The following P4HA3 variants were observed in gnomAD, a reference collection of about 807,000 sequenced individuals.
P4HA3 encodes prolyl 4-hydroxylase subunit alpha-3.
A neutral mutation model predicts 66.7 loss-of-function variants in P4HA3; 60 were observed. The ratio of observed to expected loss-of-function variants is 0.90; its 90% CI spans 0.73 to 1.12. P4HA3 has a LOEUF of 1.12. Among genes scored for constraint, P4HA3 ranks in the 50% most tolerant of loss-of-function variants. The pLI is 0.00. For missense variants in P4HA3, 683 were observed against 685.8 expected (o/e 1.00, Z 0.05); for synonymous variants, 263 against 274.6 (o/e 0.96, Z 0.42).
intron 9 of P4HA3, among the ~76,000 whole-genome samples, chr11:74,274,572 C>CA (rs1308838687): frequency 6.6e-6 from 1 of 152,066 alleles, no homozygotes; most frequent in Non-Finnish European, 1.5e-5. Context: ...CTTGGCCTCC[C>CA]AAAGTGCTGG....
At chr11:74,251,448 A>G (rs896037894) in intron 15 of P4HA3, 4 of 1,421,584 alleles carry the variant, frequency 2.8e-6, no homozygotes, top group Non-Finnish European at 3.7e-6. Flanking sequence ...AGCTCTATGG[A>G]GCTATCCCTG....
intron 4 of P4HA3, among the ~76,000 whole-genome samples, chr11:74,297,679 C>T (rs1336418453): frequency 6.6e-6 from 1 of 152,202 alleles, no homozygotes; most frequent in African/African-American, 2.4e-5. Context: ...GGAGGAGGCA[C>T]TGTGGCTGGT....
Position 74,311,402 on chromosome 11 carries a change from G to A in P4HA3, c.200+10C>T, listed in dbSNP as rs1214646124. ...GGCCCCTCGGTCGCTCCCACTCGTC[G>A]TGCCCTCACCTAGTCAGGTCCCGCA... is the stretch of plus-strand genomic sequence containing the variant. On this transcript the variant is annotated intron_variant, in intron 1 of 12. Coordinates refer to ENST00000331597, the MANE Select transcript of P4HA3 (RefSeq NM_182904.5). The A allele has an allele frequency of 2.0e-6, 3 of 1,498,260 alleles. No individual in the cohort carries two copies. Among genetic ancestry groups the A allele is most frequent in the Admixed American group, 2.2e-5 (1 of 44,872 alleles). The allele number at this position is 1,498,260 out of a possible 1,614,324, so 92.8% of individuals were successfully genotyped here. A position where few individuals can be genotyped will look rare whatever the true frequency, so the allele number is the denominator to read the frequency against.
chr11:74,277,267 G>C, intron 8 of P4HA3, 123 bp from the exon 9 acceptor site: 5 of 1,219,030 alleles, frequency 4.1e-6, no homozygotes, highest in African/African-American at 1.5e-5. Flanking sequence ...TGGAAGGAAG[G>C]AGGAAAGAGA....
intron 7 of P4HA3, among the ~76,000 whole-genome samples, chr11:74,284,358 T>A (rs1471392947): frequency 6.6e-6 from 1 of 152,200 alleles, no homozygotes; most frequent in African/African-American, 2.4e-5. Flanking sequence ...GGAAGTAACA[T>A]CTGGCACTTC....
At chr11:74,288,968 A>ATT in intron 5 of P4HA3, 111 bp downstream of exon 5, 1 of 642,800 alleles carries the variant, frequency 1.6e-6, no homozygotes, top group Non-Finnish European at 2.3e-6. Context: ...AAAAAAAAAG[A>ATT]TAATAAAGAT....
At chr11:74,282,595 A>G (rs78131495) in intron 7 of P4HA3, among the ~76,000 whole-genome samples, 6,054 of 152,250 alleles carry the variant, frequency 0.04, 128 homozygotes, top group Middle Eastern at 0.11. Flanking sequence ...AAGCACTCAA[A>G]GGCAAAAGTG....
chr11:74,267,575 T>C (rs1472035252), intron 12 of P4HA3, among the ~76,000 whole-genome samples: 1 of 152,180 alleles, frequency 6.6e-6, no homozygotes, highest in Non-Finnish European at 1.5e-5. Context: ...TTTCAAACGT[T>C]TGGGAACTAA....
intron 10 of P4HA3, among the ~76,000 whole-genome samples, chr11:74,272,145 T>TCTCAAATA: frequency 6.6e-6 from 1 of 152,308 alleles, no homozygotes; most frequent in East Asian, 1.9e-4. Context: ...TTCCACTCTG[T>TCTCAAATA]CTCAAATACT....
chr11:74,280,102 T>G (rs967438667), intron 7 of P4HA3, among the ~76,000 whole-genome samples: 1 of 152,224 alleles, frequency 6.6e-6, no homozygotes, highest in African/African-American at 2.4e-5. Context: ...AACACTAGTT[T>G]AACTAAATGC....
chr11:74,291,359 G>T (rs1861016661), intron 4 of P4HA3, among the ~76,000 whole-genome samples: 1 of 152,132 alleles, frequency 6.6e-6, no homozygotes, highest in Admixed American at 6.5e-5. Flanking sequence ...AGACGATGGG[G>T]TTTTCTAGAT....
chr11:74,257,884 C>T (rs1427333727), intron 15 of P4HA3, among the ~76,000 whole-genome samples: 1 of 151,866 alleles, frequency 6.6e-6, no homozygotes, highest in Admixed American at 6.6e-5. Context: ...GTGGAATGAA[C>T]AAGAAAGAGA....
intron 15 of P4HA3, chr11:74,250,796 T>C (rs566712833): frequency 4.8e-6 from 3 of 622,762 alleles, no homozygotes; most frequent in East Asian, 2.8e-5. Context: ...CAATTACTTG[T>C]ATTACCATCC....
intron 5 of P4HA3, among the ~76,000 whole-genome samples, chr11:74,288,826 G>A (rs1427012949): frequency 1.3e-5 from 2 of 151,502 alleles, no homozygotes; most frequent in African/African-American, 4.9e-5. Flanking sequence ...GTGGGCGCCT[G>A]TAATCCCAGC....
At chr11:74,304,003 T>C (rs1861499197) in intron 2 of P4HA3, among the ~76,000 whole-genome samples, 1 of 152,170 alleles carries the variant, frequency 6.6e-6, no homozygotes, top group Admixed American at 6.5e-5. Context: ...TTTCTATACA[T>C]ATATAAATGG....
intron 7 of P4HA3, among the ~76,000 whole-genome samples, chr11:74,279,913 C>T (rs544207909): frequency 6.6e-6 from 1 of 152,308 alleles, no homozygotes; most frequent in Non-Finnish European, 1.5e-5. Flanking sequence ...CACTCAGAGG[C>T]AGCCTGCTCC....
chr11:74,258,423 A>C (rs1014743317), intron 15 of P4HA3, among the ~76,000 whole-genome samples: 1 of 152,176 alleles, frequency 6.6e-6, no homozygotes, highest in Non-Finnish European at 1.5e-5. Context: ...CAAGCTTAGA[A>C]TAACTGACAT....
intron 3 of P4HA3, among the ~76,000 whole-genome samples, chr11:74,301,031 T>C (rs933685142): frequency 6.6e-6 from 1 of 152,116 alleles, no homozygotes; most frequent in Non-Finnish European, 1.5e-5. Flanking sequence ...AAAGGGCACA[T>C]ACTATATGGT....
intron 9 of P4HA3, among the ~76,000 whole-genome samples, chr11:74,275,295 G>A (rs1360499423): frequency 2.0e-5 from 3 of 152,118 alleles, no homozygotes; most frequent in Admixed American, 6.5e-5. Flanking sequence ...TTTTCTTCTA[G>A]AAGTTTTATA....
Sources: allele counts gnomAD v4.1 joint callset (sites outside exome capture counted in the v4.1 genomes callset), GRCh38; gene constraint gnomAD v4.1.1; transcripts MANE v1.5; gene names NCBI Gene and HGNC (gene_info 2026-07-23, HGNC 2026-07-21).